CTNNA3: variants seen among roughly 807,000 people sequenced by gnomAD.
CTNNA3 encodes catenin alpha 3, also known as catenin alpha-3.
CTNNA3 carries 76 observed loss-of-function variants against 95.7 expected under a neutral mutation model. That is an observed-to-expected ratio of 0.79 (90% CI 0.66 to 0.96). CTNNA3 has a LOEUF of 0.96. Among genes scored for constraint, CTNNA3 ranks in the 40% least tolerant of loss-of-function variants. The pLI is 0.00. For synonymous variants in CTNNA3, 431 were observed against 374.4 expected (o/e 1.15, Z -1.74); for missense variants, 1,191 against 1,089.8 (o/e 1.09, Z -1.31).
chr10:66,741,545 A>G (rs1849325878), intron 9 of CTNNA3, among the ~76,000 whole-genome samples: 1 of 152,158 alleles, frequency 6.6e-6, no homozygotes. Context: ...GACCTTCAGG[A>G]TAAACTAATA....
chr10:67,214,116 T>A (rs1395047120), intron 6 of CTNNA3, among the ~76,000 whole-genome samples: 1 of 151,854 alleles, frequency 6.6e-6, no homozygotes, highest in Non-Finnish European at 1.5e-5. Context: ...GTTTCCTTTT[T>A]ACATTTATTA....
chr10:66,940,273 G>C (rs985312759), intron 7 of CTNNA3, among the ~76,000 whole-genome samples: 5 of 152,120 alleles, frequency 3.3e-5, no homozygotes, highest in African/African-American at 4.8e-5. Context: ...GCCGAGGCAA[G>C]GAGGATCACT....
At chr10:67,656,217 G>C (rs1004062642) in intron 1 of CTNNA3, among the ~76,000 whole-genome samples, 6 of 152,170 alleles carry the variant, frequency 3.9e-5, no homozygotes, top group Non-Finnish European at 7.4e-5. Context: ...TCTGAGGTTT[G>C]TCAGATCAAT....
At chr10:67,116,365 T>C (rs1307967411) in intron 7 of CTNNA3, among the ~76,000 whole-genome samples, 2 of 152,040 alleles carry the variant, frequency 1.3e-5, no homozygotes, top group African/African-American at 2.4e-5. Context: ...TCAAATGTTA[T>C]TATCAAAAAT....
chr10:67,026,450 A>G (rs979256691), intron 7 of CTNNA3, among the ~76,000 whole-genome samples: 5 of 152,080 alleles, frequency 3.3e-5, no homozygotes, highest in African/African-American at 1.2e-4. Flanking sequence ...AAATAAAAAC[A>G]AAATAATATA....
intron 5 of CTNNA3, among the ~76,000 whole-genome samples, chr10:67,373,009 C>A (rs191841221): frequency 0.025 from 3,767 of 152,234 alleles, 166 homozygotes; most frequent in African/African-American, 0.085. Context: ...CCGGTACCAG[C>A]CACTGCAAAA....
intron 5 of CTNNA3, among the ~76,000 whole-genome samples, chr10:67,388,623 T>C (rs1490747656): frequency 6.8e-6 from 1 of 147,774 alleles, no homozygotes; most frequent in African/African-American, 2.5e-5. Flanking sequence ...TTCACCAAAG[T>C]TGAAATGAAG....
intron 10 of CTNNA3, among the ~76,000 whole-genome samples, chr10:66,578,347 T>G (rs1266981169): frequency 6.6e-6 from 1 of 151,990 alleles, no homozygotes; most frequent in Non-Finnish European, 1.5e-5. Flanking sequence ...GGATCTCCTT[T>G]ACTATATTGA....
intron 11 of CTNNA3, among the ~76,000 whole-genome samples, chr10:66,396,203 T>C (rs764592854): frequency 6.6e-6 from 1 of 152,044 alleles, no homozygotes; most frequent in Non-Finnish European, 1.5e-5. Flanking sequence ...AGATATGTAT[T>C]TATATACTAT....
At position 66,280,531 on chromosome 10, in the gene CTNNA3, T is replaced by A. The variant is rs138314889; in HGVS notation, c.1823A>T (p.Asp608Val). 4.7e-5 allele frequency: 75 copies of A among 1,609,900 alleles called. No individual in the cohort carries two copies. Among genetic ancestry groups the A allele is most frequent in the Middle Eastern group, 1.6e-4 (1 of 6,062 alleles). ...TGTATCATAGATCTTCTTTGAGATGTCCACAAATTGATTATCATCCAACAC... is the reference window on the plus strand; with the variant it reads ...TGTATCATAGATCTTCTTTGAGATGACCACAAATTGATTATCATCCAACAC... ...LNVLDDNQFVDISKKIYDTIH... is the reference protein window; with the variant it reads ...LNVLDDNQFVVISKKIYDTIH... The change falls in exon 13 of 18, where the codon GAC becomes GTC. Residue 608 changes from aspartate to valine, a missense_variant. By Grantham distance (152) the Asp-to-Val change is radical. Transcript: ENST00000433211.
intron 11 of CTNNA3, among the ~76,000 whole-genome samples, chr10:66,443,729 CAG>C (rs1348799771): frequency 1.3e-5 from 2 of 152,052 alleles, no homozygotes; most frequent in South Asian, 2.1e-4. Flanking sequence ...GGGGAAAAAA[CAG>C]AGCAGAAAAA....
chr10:66,787,868 A>G (rs1304276350), intron 7 of CTNNA3, among the ~76,000 whole-genome samples: 3 of 152,180 alleles, frequency 2.0e-5, no homozygotes, highest in Non-Finnish European at 2.9e-5. Flanking sequence ...GTAAACTGTA[A>G]TTAATGTTAT....
At chr10:66,288,109 A>AATTGTATAT (rs1410561267) in intron 12 of CTNNA3, among the ~76,000 whole-genome samples, 3 of 152,114 alleles carry the variant, frequency 2.0e-5, no homozygotes, top group Admixed American at 6.6e-5. Flanking sequence ...TATAAACATA[A>AATTGTATAT]ATTGTATATA....
chr10:67,412,773 A>G (rs1316178715), intron 5 of CTNNA3, among the ~76,000 whole-genome samples: 1 of 152,156 alleles, frequency 6.6e-6, no homozygotes, highest in Non-Finnish European at 1.5e-5. Flanking sequence ...TCATAACTGA[A>G]GGAGAAATAA....
At chr10:66,358,439 G>C (rs1394892512) in intron 12 of CTNNA3, among the ~76,000 whole-genome samples, 1 of 152,130 alleles carries the variant, frequency 6.6e-6, no homozygotes, top group Non-Finnish European at 1.5e-5. Flanking sequence ...TTACTTTACA[G>C]AGTCCTCCAA....
At chr10:66,851,735 C>T (rs7089255) in intron 7 of CTNNA3, among the ~76,000 whole-genome samples, 87,368 of 151,424 alleles carry the variant, frequency 0.58, 26,227 homozygotes, top group Non-Finnish European at 0.63. Context: ...CATGGCCTTA[C>T]CAGAAGCTGA....
chr10:66,996,393 C>G (rs1851339374), intron 7 of CTNNA3, among the ~76,000 whole-genome samples: 1 of 152,010 alleles, frequency 6.6e-6, no homozygotes. Context: ...CGCCTGTAAT[C>G]CTAGCACTTT....
At chr10:66,685,623 C>T (rs1006289601) in intron 9 of CTNNA3, among the ~76,000 whole-genome samples, 51 of 151,262 alleles carry the variant, frequency 3.4e-4, no homozygotes, top group African/African-American at 1.0e-3. Context: ...CCGCCCACCT[C>T]GGCCTCCCAA....
intron 17 of CTNNA3, among the ~76,000 whole-genome samples, chr10:65,959,193 A>T (rs2077791738): frequency 6.6e-6 from 1 of 152,158 alleles, no homozygotes; most frequent in Non-Finnish European, 1.5e-5. Context: ...CCTCCGAGCC[A>T]GGTGTGGGAT....
Sources: gnomAD v4.1 joint callset for allele counts (sites outside exome capture counted in the v4.1 genomes callset) on GRCh38, gnomAD v4.1.1 for gene constraint, MANE v1.5 for transcripts, NCBI Gene and HGNC (gene_info 2026-07-23, HGNC 2026-07-21) for gene names.